Variants in GMDS observed in about 807,000 individuals in gnomAD.
The protein encoded by GMDS is GDP-mannose 4,6 dehydratase.
GMDS carries 20 observed loss-of-function variants against 49.9 expected under a neutral mutation model. The ratio of observed to expected loss-of-function variants is 0.40; its 90% confidence interval spans 0.28 to 0.58. The LOEUF (loss-of-function observed/expected upper bound fraction) is 0.58. Ranked by LOEUF, GMDS falls within the 20% of genes least tolerant of loss-of-function variation. The pLI is 0.42. For missense variants in GMDS, 362 were observed against 481.4 expected (o/e 0.75, Z 2.32); for synonymous variants, 177 against 178.6 (o/e 0.99, Z 0.07).
In GMDS at chr6:1,932,142, CAGGGTGGTACTCCAGG is replaced by C. The variant is rs576524880; in HGVS notation, c.644-1928_644-1913del. 2.3e-3 allele frequency among the ~76,000 whole-genome samples: 347 copies of C among 152,286 alleles called. 2 individuals carry two copies. The highest frequency in any genetic ancestry group is 0.01 in the Middle Eastern group (3 of 294). On this transcript the variant is annotated intron_variant, in intron 6 of 10. Transcript: ENST00000380815. ...TGAAGGGACTCATCAAGCTGTGAGACAGGGTGGTACTCCAGGCAGGAGGAACGGCACTTGCAAAGAT... is the reference window on the plus strand; with the variant it reads ...TGAAGGGACTCATCAAGCTGTGAGACCAGGAGGAACGGCACTTGCAAAGAT...
intron 4 of GMDS, among the ~76,000 whole-genome samples, chr6:1,966,348 A>C (rs1261792554): frequency 6.8e-6 from 1 of 147,532 alleles, no homozygotes; most frequent in Non-Finnish European, 1.5e-5. Flanking sequence ...TCACCTAATA[A>C]GGAGAACAAA....
Position 2,193,605 on chromosome 6 carries a change from CAT to C in GMDS, c.102+51714_102+51715del, listed in dbSNP as rs1220554082. Reference sequence around the variant, plus strand: ...AGGGTATATGGATTTTTTTAAATAACATGTGTAATTAGGATATGTTATTCACA... The same window carrying C: ...AGGGTATATGGATTTTTTTAAATAACGTGTAATTAGGATATGTTATTCACA... On this transcript the variant is annotated intron_variant, in intron 1 of 10. Coordinates refer to ENST00000380815, the MANE Select transcript of GMDS (RefSeq NM_001500.4). Among the ~76,000 whole-genome samples, 13 of 151,682 alleles carry C rather than the reference CAT, an allele frequency of 8.6e-5. No individual in the cohort carries two copies. The East Asian group carries it at 2.5e-3, about 29-fold the overall frequency.
chr6:2,230,995 T>C (rs1781080672), intron 1 of GMDS, among the ~76,000 whole-genome samples: 2 of 115,080 alleles, frequency 1.7e-5, no homozygotes, highest in South Asian at 3.1e-4. Flanking sequence ...CTCACAAAGC[T>C]AGCAGGATGC....
At chr6:1,698,415 C>T (rs1038638717) in intron 9 of GMDS, among the ~76,000 whole-genome samples, 2 of 152,198 alleles carry the variant, frequency 1.3e-5, no homozygotes, top group East Asian at 3.8e-4. Flanking sequence ...TCAGGTGTTT[C>T]GGGAAGAACA....
chr6:1,630,312 G>A (rs1466145958), intron 9 of GMDS, among the ~76,000 whole-genome samples: 3 of 152,222 alleles, frequency 2.0e-5, no homozygotes, highest in Non-Finnish European at 4.4e-5. Flanking sequence ...GGGACGAACC[G>A]CATGTGGCCT....
intron 1 of GMDS, among the ~76,000 whole-genome samples, chr6:2,135,948 T>C (rs375668129): frequency 6.6e-6 from 1 of 152,286 alleles, no homozygotes; most frequent in East Asian, 1.9e-4. Flanking sequence ...TGCATGAACA[T>C]TACAGTATAC....
intron 4 of GMDS, among the ~76,000 whole-genome samples, chr6:1,979,805 G>T (rs1225859962): frequency 1.3e-5 from 2 of 152,184 alleles, no homozygotes; most frequent in African/African-American, 4.8e-5. Context: ...AGAAAGGCCA[G>T]ATCACCTACA....
chr6:1,874,922 C>T (rs1484665904), intron 7 of GMDS, among the ~76,000 whole-genome samples: 1 of 152,042 alleles, frequency 6.6e-6, no homozygotes, highest in Non-Finnish European at 1.5e-5. Context: ...AGAAAAAACC[C>T]CAATGTTTGG....
At position 2,151,035 on chromosome 6, in the gene GMDS, A is replaced by G. The variant is rs143952109; in HGVS notation, c.103-26304T>C. 2.6e-3 allele frequency among the ~76,000 whole-genome samples: 395 copies of G among 152,260 alleles called. 1 individual carries two copies. The highest frequency in any genetic ancestry group is 9.2e-3 in the African/African-American group (382 of 41,574). ...AAACTACTTTCATGTATTTGTCTATAAGGTAATATTAGCTTAAAATATTTA... is the reference window on the plus strand; with the variant it reads ...AAACTACTTTCATGTATTTGTCTATGAGGTAATATTAGCTTAAAATATTTA... On this transcript the variant is annotated intron_variant, in intron 1 of 10. Coordinates refer to ENST00000380815, the MANE Select transcript of GMDS (RefSeq NM_001500.4).
intron 9 of GMDS, among the ~76,000 whole-genome samples, chr6:1,699,766 G>A (rs1765475264): frequency 6.6e-6 from 1 of 152,146 alleles, no homozygotes; most frequent in African/African-American, 2.4e-5. Context: ...GGATTATCAT[G>A]TAAGGTGACA....
intron 9 of GMDS, among the ~76,000 whole-genome samples, chr6:1,654,668 T>C (rs550152876): frequency 6.6e-6 from 1 of 152,280 alleles, no homozygotes; most frequent in East Asian, 1.9e-4. Flanking sequence ...TGGGTGGTGG[T>C]GATGGCTGCA....
At chr6:2,122,171 A>G (rs543242283) in intron 2 of GMDS, among the ~76,000 whole-genome samples, 1 of 152,196 alleles carries the variant, frequency 6.6e-6, no homozygotes, top group African/African-American at 2.4e-5. Context: ...ACCGTGTTCA[A>G]CTTCATCATA....
chr6:2,049,446 T>G (rs895833701), intron 4 of GMDS, among the ~76,000 whole-genome samples: 1 of 152,168 alleles, frequency 6.6e-6, no homozygotes, highest in African/African-American at 2.4e-5. Context: ...AGAATATTCT[T>G]TACACACATT....
chr6:2,241,919 A>G (rs897853025), intron 1 of GMDS, among the ~76,000 whole-genome samples: 4 of 152,246 alleles, frequency 2.6e-5, no homozygotes, highest in Non-Finnish European at 5.9e-5. Context: ...GACACTGCAG[A>G]CATGCAGTGA....
Position 1,624,107 on chromosome 6 carries a change from G to GC in GMDS, c.*61_*62insG, listed in dbSNP as rs1762770880. 6.9e-6 allele frequency: 10 copies of GC among 1,442,678 alleles called. No individual in the cohort carries two copies. In the African/African-American group the frequency reaches 1.3e-4, roughly 18 times the overall value. The allele number at this position is 1,442,678 out of a possible 1,614,324, so 89.4% of individuals were successfully genotyped here. A position where few individuals can be genotyped will look rare whatever the true frequency, so the allele number is the denominator to read the frequency against. On this transcript the variant is annotated 3_prime_UTR_variant, in exon 11 of 11. Transcript: ENST00000380815. ...ACGCCGCTCCCCATCCCCGCAGCGC[G>GC]TCTGCACCGGAGACTCTGCGGGGAT...
intron 4 of GMDS, among the ~76,000 whole-genome samples, chr6:1,998,584 C>A (rs1322936528): frequency 6.6e-6 from 1 of 152,042 alleles, no homozygotes; most frequent in Non-Finnish European, 1.5e-5. Flanking sequence ...AACCACAATT[C>A]AAAATATTCA....
At chr6:1,961,055 A>T (rs1763914805) in intron 4 of GMDS, 89 bp from the exon 5 acceptor site, 7 of 636,804 alleles carry the variant, frequency 1.1e-5, no homozygotes, top group Non-Finnish European at 1.8e-5. Context: ...AATTTCACAC[A>T]CTGTGAAATG....
chr6:2,227,050 AC>A (rs1461739931), intron 1 of GMDS, among the ~76,000 whole-genome samples: 4 of 152,192 alleles, frequency 2.6e-5, no homozygotes, highest in Admixed American at 1.3e-4. Flanking sequence ...GGCAGTAATT[AC>A]TTCTGAGTGG....
At chr6:1,949,470 C>A (rs1021281421) in intron 6 of GMDS, among the ~76,000 whole-genome samples, 11 of 152,196 alleles carry the variant, frequency 7.2e-5, no homozygotes, top group African/African-American at 2.4e-4. Context: ...TGAAAAACAA[C>A]CCCTTGAATT....
Sources: gnomAD v4.1 joint callset for allele counts (sites outside exome capture counted in the v4.1 genomes callset) on GRCh38, gnomAD v4.1.1 for gene constraint, MANE v1.5 for transcripts, NCBI Gene and HGNC (gene_info 2026-07-23, HGNC 2026-07-21) for gene names.